CFAP251: variants seen among roughly 807,000 people sequenced by gnomAD.
CFAP251 encodes the protein cilia- and flagella-associated protein 251.
In CFAP251, 93 loss-of-function variants were observed where a neutral mutation model predicts 126.7. That is an observed-to-expected ratio of 0.73 (90% CI 0.62 to 0.87). CFAP251 has a LOEUF of 0.87. Among genes scored for constraint, CFAP251 ranks in the 40% least tolerant of loss-of-function variants. CFAP251 has a pLI of 0.00. For synonymous variants in CFAP251, 503 were observed against 506.9 expected, an observed-to-expected ratio of 0.99 and a Z score of 0.10; for missense variants, 1,287 against 1,389.2, an observed-to-expected ratio of 0.93 and a Z score of 1.17.
At chr12:121,978,258 G>A (rs1242069438) in intron 19 of CFAP251, among the ~76,000 whole-genome samples, 1 of 150,804 alleles carries the variant, frequency 6.6e-6, no homozygotes, top group African/African-American at 2.4e-5. Flanking sequence ...GCCGAGCGTG[G>A]TGGCGGGTGC....
chr12:121,988,301 T>C (rs1368747169), intron 19 of CFAP251, among the ~76,000 whole-genome samples: 1 of 152,148 alleles, frequency 6.6e-6, no homozygotes, highest in Non-Finnish European at 1.5e-5. Context: ...TTTTAGAATG[T>C]CCACCGAGTA....
intron 21 of CFAP251, among the ~76,000 whole-genome samples, chr12:122,003,331 G>A (rs1010262850): frequency 2.0e-5 from 3 of 152,166 alleles, no homozygotes; most frequent in African/African-American, 7.2e-5. Flanking sequence ...CAGCGCTTTG[G>A]GAGTCTGAGG....
intron 10 of CFAP251, among the ~76,000 whole-genome samples, 174 bp from the exon 11 acceptor site, chr12:121,956,900 A>G (rs1175005694): frequency 6.6e-6 from 1 of 152,182 alleles, no homozygotes; most frequent in East Asian, 1.9e-4. Flanking sequence ...TAACTCTCTG[A>G]AAGTTAGTTT....
At chr12:121,933,597 CGCTTGAGCCCAGGA>C (rs1043532141) in intron 4 of CFAP251, 11 of 152,470 alleles carry the variant, frequency 7.2e-5, no homozygotes, top group Admixed American at 6.5e-4. Context: ...GTGGGTATAT[CGCTTGAGCCCAGGA>C]GTTTGAGGCC....
At chr12:121,945,304 G>GT (rs953779181) in intron 7 of CFAP251, among the ~76,000 whole-genome samples, 43 of 151,398 alleles carry the variant, frequency 2.8e-4, no homozygotes, top group African/African-American at 6.8e-4. Flanking sequence ...CAGTCAGACT[G>GT]TTTTTTTTGT....
At chr12:121,975,745 G>A (rs140007297) in intron 19 of CFAP251, 60 bp downstream of exon 19, 3 of 1,508,206 alleles carry the variant, frequency 2.0e-6, no homozygotes, top group African/African-American at 1.4e-5. Flanking sequence ...AACAACCTCT[G>A]GGAACAATCA....
chr12:121,965,421 A>G (rs1205230844), intron 15 of CFAP251, among the ~76,000 whole-genome samples: 1 of 152,228 alleles, frequency 6.6e-6, no homozygotes, highest in African/African-American at 2.4e-5. Context: ...GACTTCTAGG[A>G]ATGTAGCCCA....
intron 10 of CFAP251, among the ~76,000 whole-genome samples, chr12:121,956,204 T>A (rs568202806): frequency 9.0e-4 from 137 of 152,304 alleles, no homozygotes; most frequent in African/African-American, 3.2e-3. Flanking sequence ...AGTAGTGCCT[T>A]CCTGTAAAGT....
At chr12:121,983,352 C>G (rs530772005) in intron 19 of CFAP251, among the ~76,000 whole-genome samples, 3 of 73,758 alleles carry the variant, frequency 4.1e-5, no homozygotes, top group Admixed American at 3.9e-4. Flanking sequence ...TATGATCATG[C>G]CTGTGAATAG....
At chr12:121,945,375 A>T (rs1309593092) in intron 7 of CFAP251, among the ~76,000 whole-genome samples, 1 of 150,520 alleles carries the variant, frequency 6.6e-6, no homozygotes, top group South Asian at 2.1e-4. Flanking sequence ...ATGGAGTCTC[A>T]TTCTGTTGCC....
At chr12:121,931,462 A>G (rs1193142934) in intron 3 of CFAP251, among the ~76,000 whole-genome samples, 1 of 152,022 alleles carries the variant, frequency 6.6e-6, no homozygotes, top group Non-Finnish European at 1.5e-5. Flanking sequence ...ACAGGCATGC[A>G]TCACCACACC....
chr12:121,929,042 G>T lies in CFAP251; in HGVS notation c.748-2704G>T, dbSNP rs138396093. 5.8e-3 allele frequency among the ~76,000 whole-genome samples: 880 copies of T among 152,072 alleles called. 9 individuals are homozygous for T. Among genetic ancestry groups the T allele is most frequent in the African/African-American group, 0.019 (800 of 41,498 alleles). On this transcript the variant is annotated intron_variant, in intron 3 of 21. Transcript: ENST00000288912. ...TTTTAGGTTTATAGAAAAATTGAAG[G>T]CCGGGAGCAGTGGCTCATGCCTGTA...
intron 19 of CFAP251, among the ~76,000 whole-genome samples, chr12:121,995,931 G>GA (rs994197529): frequency 1.8e-4 from 27 of 152,282 alleles, no homozygotes; most frequent in African/African-American, 6.3e-4. Context: ...TATATGCATA[G>GA]AAAAAATAGG....
chr12:122,001,356 TA>T, intron 20 of CFAP251, 140 bp from the exon 21 acceptor site: 1 of 774,448 alleles, frequency 1.3e-6, no homozygotes, highest in Non-Finnish European at 2.2e-6. Flanking sequence ...ACGCCCAGCC[TA>T]AATTTTTTTT....
chr12:121,969,936 A>G, intron 17 of CFAP251: 4 of 985,482 alleles, frequency 4.1e-6, no homozygotes, highest in Non-Finnish European at 4.8e-6. Flanking sequence ...TGGTGGGGAC[A>G]AAGGATCATT....
intron 5 of CFAP251, among the ~76,000 whole-genome samples, chr12:121,936,268 T>C (rs1021551679): frequency 3.9e-5 from 6 of 152,134 alleles, no homozygotes; most frequent in Non-Finnish European, 7.3e-5. Context: ...GGCAACATAG[T>C]GAGACTCTGT....
chr12:121,993,492 A>G (rs11830649), intron 19 of CFAP251, among the ~76,000 whole-genome samples: 7 of 140,058 alleles, frequency 5.0e-5, no homozygotes, highest in African/African-American at 8.1e-5. Flanking sequence ...GAGCGTCTCC[A>G]CCCGGCCGCC....
Position 121,949,004 on chromosome 12 carries a change from A to G in CFAP251, c.1212A>G (p.Pro404=). The change falls in exon 8 of 22, where the codon CCA becomes CCG. Residue 404 remains proline, a synonymous_variant. Transcript: ENST00000288912. Reference sequence around the variant, plus strand: ...TTCAGAACTACGTTACTTTTAACCCAACAAATAATAAAGAATTGGTGAGCA... The same window carrying G: ...TTCAGAACTACGTTACTTTTAACCCGACAAATAATAAAGAATTGGTGAGCA... The part of the protein sequence containing the change: ...YGVQNYVTFN[P]TNNKELVSNS... The G allele has an allele frequency of 6.3e-7, 1 of 1,583,668 alleles. No individual in the cohort carries two copies. Among genetic ancestry groups the G allele is most frequent in the Non-Finnish European group, 8.6e-7 (1 of 1,164,276 alleles).
At chr12:121,946,819 C>T (rs534005802) in intron 7 of CFAP251, among the ~76,000 whole-genome samples, 16 of 151,922 alleles carry the variant, frequency 1.1e-4, no homozygotes, top group Middle Eastern at 3.4e-3. Flanking sequence ...GTTCAAGTGA[C>T]CTTCCCACCT....
Sources: allele counts gnomAD v4.1 joint callset (sites outside exome capture counted in the v4.1 genomes callset), GRCh38; gene constraint gnomAD v4.1.1; transcripts MANE v1.5; gene names NCBI Gene and HGNC (gene_info 2026-07-23, HGNC 2026-07-21).